The following MYLK variants were observed in gnomAD, a reference collection of about 807,000 sequenced individuals.
MYLK encodes myosin light chain kinase, smooth muscle.
A neutral mutation model predicts 203.4 loss-of-function variants in MYLK; 106 were observed. The ratio of observed to expected loss-of-function variants is 0.52; its 90% CI spans 0.45 to 0.61. MYLK has a LOEUF of 0.61. MYLK is among the 20% of genes least tolerant of loss of function. MYLK has a pLI of 0.00. For missense variants in MYLK, 2,072 were observed against 2,442.3 expected (o/e 0.85, Z 3.20); for synonymous variants, 867 against 959.5 (o/e 0.90, Z 1.78).
Position 123,700,336 on chromosome 3 carries a change from G to C in MYLK, c.3132C>G (p.Ala1044=), listed in dbSNP as rs58176285. The C allele has an allele frequency of 1.9e-6, 3 of 1,613,516 alleles. No homozygotes were observed. The highest frequency in any genetic ancestry group is 2.5e-6 in the Non-Finnish European group (3 of 1,179,858). Residue 1044 remains alanine (A), a synonymous_variant, in exon 18 of 34, where the codon GCC becomes GCG. Coordinates refer to ENST00000360304, the MANE Select transcript of MYLK (RefSeq NM_053025.4). The part of the protein sequence containing the change: ...TLKPMGNAKP[A]ETLKPMGNAK... ...CATTGCCCATGGGCTTCAGGGTCTC[G>C]GCAGGCTTGGCGTTGCCCATTGGCT...
intron 4 of MYLK, among the ~76,000 whole-genome samples, chr3:123,762,775 C>G (rs550324816): frequency 6.6e-6 from 1 of 152,266 alleles, no homozygotes; most frequent in Non-Finnish European, 1.5e-5. Context: ...GCATTCATCC[C>G]CTTTGGAGGA....
At chr3:123,692,629 G>C (rs1324656088) in intron 19 of MYLK, 106 bp downstream of exon 19, 1 of 942,826 alleles carries the variant, frequency 1.1e-6, no homozygotes, top group Admixed American at 1.7e-5. Context: ...AGGGAGGGCA[G>C]TGTTGGAGGC....
intron 24 of MYLK, among the ~76,000 whole-genome samples, chr3:123,656,865 C>G (rs1243245751): frequency 1.4e-4 from 22 of 152,162 alleles, no homozygotes; most frequent in Admixed American, 1.4e-3. Context: ...CTCCTATGCT[C>G]CTGAGTAACA....
At chr3:123,622,720 G>C (rs2057935041) in intron 31 of MYLK, 1 of 152,048 alleles carries the variant, frequency 6.6e-6, no homozygotes, top group South Asian at 2.1e-4. Context: ...AAAATATTTG[G>C]GAATTGATTT....
At chr3:123,875,493 G>A (rs775534688) in intron 2 of MYLK, among the ~76,000 whole-genome samples, 1 of 152,110 alleles carries the variant, frequency 6.6e-6, no homozygotes, top group Non-Finnish European at 1.5e-5. Flanking sequence ...AGCTCACAAG[G>A]CAATTCTGGG....
intron 14 of MYLK, chr3:123,709,134 ATTTTTTTTT>A: frequency 1.2e-5 from 2 of 171,184 alleles, no homozygotes. Context: ...TTCTCACATA[ATTTTTTTTT>A]TTTTTTTTTT....
chr3:123,848,396 G>A (rs2030312606), intron 2 of MYLK, among the ~76,000 whole-genome samples: 1 of 151,268 alleles, frequency 6.6e-6, no homozygotes, highest in Non-Finnish European at 1.5e-5. Flanking sequence ...AGCTTCTTGA[G>A]TAGGATATAT....
chr3:123,830,358 C>T (rs2066280851), intron 3 of MYLK, among the ~76,000 whole-genome samples: 1 of 152,174 alleles, frequency 6.6e-6, no homozygotes, highest in Non-Finnish European at 1.5e-5. Flanking sequence ...CCTTTATCAG[C>T]CATATTAGAG....
intron 4 of MYLK, among the ~76,000 whole-genome samples, chr3:123,781,470 T>A (rs974246731): frequency 6.6e-6 from 1 of 152,216 alleles, no homozygotes; most frequent in African/African-American, 2.4e-5. Flanking sequence ...CATTTCATTC[T>A]GCATATCTTT....
At chr3:123,840,567 C>A in intron 2 of MYLK, among the ~76,000 whole-genome samples, 1 of 150,984 alleles carries the variant, frequency 6.6e-6, no homozygotes, top group East Asian at 1.9e-4. Context: ...TTTATGAGAG[C>A]AACATTACTT....
chr3:123,678,654 AAC>A (rs151133463), intron 20 of MYLK, among the ~76,000 whole-genome samples: 9 of 150,194 alleles, frequency 6.0e-5, no homozygotes, highest in Admixed American at 1.3e-4. Context: ...CACACACACA[AAC>A]ACACACACAC....
intron 30 of MYLK, among the ~76,000 whole-genome samples, chr3:123,628,140 G>C (rs755598852): frequency 2.6e-5 from 4 of 152,140 alleles, no homozygotes; most frequent in Non-Finnish European, 5.9e-5. Flanking sequence ...TACAGACTGT[G>C]ACAGCAAAAG....
chr3:123,724,014 G>A (rs1489560499), intron 12 of MYLK, among the ~76,000 whole-genome samples: 2 of 151,736 alleles, frequency 1.3e-5, no homozygotes, highest in African/African-American at 2.4e-5. Context: ...AGCCACACTC[G>A]TTCTTTCACT....
chr3:123,682,595 C>G (rs770766612), intron 19 of MYLK, among the ~76,000 whole-genome samples: 2 of 152,220 alleles, frequency 1.3e-5, no homozygotes, highest in Non-Finnish European at 2.9e-5. Context: ...GGATGCTCCC[C>G]CGGAATGCCA....
At chr3:123,736,118 C>T (rs1456614743) in intron 8 of MYLK, among the ~76,000 whole-genome samples, 2 of 152,160 alleles carry the variant, frequency 1.3e-5, no homozygotes, top group Admixed American at 6.5e-5. Flanking sequence ...CAGTGAGCCA[C>T]CAAGTCAGGT....
intron 3 of MYLK, among the ~76,000 whole-genome samples, chr3:123,822,839 G>A (rs1322331183): frequency 6.6e-6 from 1 of 152,134 alleles, no homozygotes; most frequent in East Asian, 1.9e-4. Context: ...AACTCCAAAA[G>A]TAGCTCCTCA....
intron 3 of MYLK, among the ~76,000 whole-genome samples, chr3:123,805,403 G>T (rs535639043): frequency 1.3e-5 from 2 of 152,212 alleles, no homozygotes; most frequent in African/African-American, 4.8e-5. Context: ...GGAGGGAAGT[G>T]AGGAGGGAGC....
intron 29 of MYLK, among the ~76,000 whole-genome samples, chr3:123,631,353 G>A (rs1242791869): frequency 2.0e-5 from 3 of 148,356 alleles, no homozygotes; most frequent in Non-Finnish European, 3.0e-5. Flanking sequence ...AGCCAATATC[G>A]CACCATTGCA....
At chr3:123,735,543 G>A in intron 8 of MYLK, 127 bp from the exon 9 acceptor site, 1 of 1,051,178 alleles carries the variant, frequency 9.5e-7, no homozygotes. Flanking sequence ...CCCTGGTGCT[G>A]AACGTCTTTG....
Sources: allele counts gnomAD v4.1 joint callset (sites outside exome capture counted in the v4.1 genomes callset), GRCh38; gene constraint gnomAD v4.1.1; transcripts MANE v1.5; gene names NCBI Gene and HGNC (gene_info 2026-07-23, HGNC 2026-07-21).